KCNQ3: variants seen among roughly 807,000 people sequenced by gnomAD.
KCNQ3 encodes the protein potassium voltage-gated channel subfamily KQT member 3.
Under a neutral mutation model 92.5 loss-of-function variants are expected in KCNQ3, and 30 were observed. The ratio of observed to expected loss-of-function variants is 0.32; its 90% confidence interval spans 0.24 to 0.44. The LOEUF (loss-of-function observed/expected upper bound fraction) is 0.44. Among genes scored for constraint, KCNQ3 ranks in the 20% least tolerant of loss-of-function variants. The pLI is 1.00. For synonymous variants in KCNQ3, 450 were observed against 468.8 expected, an observed-to-expected ratio of 0.96 and a Z score of 0.52; for missense variants, 913 against 1,140.3, an observed-to-expected ratio of 0.80 and a Z score of 2.87.
intron 12 of KCNQ3, among the ~76,000 whole-genome samples, chr8:132,135,585 T>TAGTA (rs1368815083): frequency 6.6e-6 from 1 of 152,118 alleles, no homozygotes; most frequent in East Asian, 1.9e-4. Context: ...CACATTTGCT[T>TAGTA]AGTAAGTAGC....
At chr8:132,436,625 T>C (rs1821401320) in intron 1 of KCNQ3, among the ~76,000 whole-genome samples, 2 of 152,248 alleles carry the variant, frequency 1.3e-5, no homozygotes. Context: ...TGTTTCAATG[T>C]CCTTATATTT....
intron 1 of KCNQ3, among the ~76,000 whole-genome samples, chr8:132,189,729 G>A (rs1423970935): frequency 6.6e-6 from 1 of 151,872 alleles, no homozygotes; most frequent in Admixed American, 6.6e-5. Context: ...GAGAGGCTGA[G>A]GCAGGAGAAT....
chr8:132,232,177 G>C (rs1164792838), intron 1 of KCNQ3, among the ~76,000 whole-genome samples: 1 of 152,156 alleles, frequency 6.6e-6, no homozygotes, highest in Non-Finnish European at 1.5e-5. Flanking sequence ...TTATAGTCTT[G>C]GTTCTGCAAA....
intron 1 of KCNQ3, among the ~76,000 whole-genome samples, chr8:132,435,367 C>T (rs1483249801): frequency 6.6e-6 from 1 of 152,168 alleles, no homozygotes. Flanking sequence ...CCGTGCCAGC[C>T]GACCAGTTCA....
intron 1 of KCNQ3, among the ~76,000 whole-genome samples, chr8:132,365,991 A>G (rs748236215): frequency 1.4e-4 from 21 of 152,192 alleles, no homozygotes; most frequent in Non-Finnish European, 2.4e-4. Flanking sequence ...AAATGGCACC[A>G]CTGCACTCCA....
At chr8:132,349,581 A>G (rs1187485987) in intron 1 of KCNQ3, among the ~76,000 whole-genome samples, 1 of 152,240 alleles carries the variant, frequency 6.6e-6, no homozygotes, top group Non-Finnish European at 1.5e-5. Context: ...GGCTTGGGAT[A>G]TGCATACGCA....
intron 1 of KCNQ3, among the ~76,000 whole-genome samples, chr8:132,230,637 C>T (rs909849308): frequency 6.6e-6 from 1 of 152,166 alleles, no homozygotes; most frequent in Non-Finnish European, 1.5e-5. Context: ...ATCAACTAAG[C>T]AATGTAAAGA....
intron 1 of KCNQ3, among the ~76,000 whole-genome samples, chr8:132,361,933 A>C (rs915138181): frequency 6.6e-6 from 1 of 152,208 alleles, no homozygotes; most frequent in Non-Finnish European, 1.5e-5. Flanking sequence ...ATCTAGGGGA[A>C]GGAATAGTAT....
intron 1 of KCNQ3, among the ~76,000 whole-genome samples, chr8:132,401,617 G>A (rs535501277): frequency 4.4e-4 from 67 of 152,210 alleles, no homozygotes; most frequent in African/African-American, 1.4e-3. Context: ...CTCGTGATCC[G>A]CCTGCCTCGG....
chr8:132,445,711 T>C (rs892473643), intron 1 of KCNQ3, among the ~76,000 whole-genome samples: 3 of 117,466 alleles, frequency 2.6e-5, no homozygotes, highest in Non-Finnish European at 4.8e-5. Flanking sequence ...ATTAATATCA[T>C]TTACTGAGCT....
At chr8:132,264,492 T>C (rs1044583101) in intron 1 of KCNQ3, among the ~76,000 whole-genome samples, 2 of 152,188 alleles carry the variant, frequency 1.3e-5, no homozygotes, top group African/African-American at 2.4e-5. Context: ...GATGGGCCTA[T>C]TGGGAGAATC....
chr8:132,211,161 A>G (rs1813839917), intron 1 of KCNQ3, among the ~76,000 whole-genome samples: 2 of 152,220 alleles, frequency 1.3e-5, no homozygotes, highest in South Asian at 4.1e-4. Flanking sequence ...AATGCAAGTC[A>G]TGCATCATTT....
chr8:132,449,863 T>C (rs1821780674), intron 1 of KCNQ3, among the ~76,000 whole-genome samples: 1 of 151,976 alleles, frequency 6.6e-6, no homozygotes, highest in South Asian at 2.1e-4. Flanking sequence ...AACTGAGAAA[T>C]TAAGGTACAA....
At chr8:132,144,562 A>G (rs1404322035) in intron 9 of KCNQ3, among the ~76,000 whole-genome samples, 1 of 152,240 alleles carries the variant, frequency 6.6e-6, no homozygotes, top group Non-Finnish European at 1.5e-5. Context: ...CAACTTCCAA[A>G]TATGAGTTGT....
In KCNQ3 at chr8:132,390,391, C is replaced by T. The variant is rs144769776; in HGVS notation, c.386+89756G>A. Reference sequence around the variant, plus strand: ...AATGGTCTTGCTCCTGGTGGTGACACAGTTGTTCTCTTTACAGTAATTCAG... The same window carrying T: ...AATGGTCTTGCTCCTGGTGGTGACATAGTTGTTCTCTTTACAGTAATTCAG... On this transcript the variant is annotated intron_variant, in intron 1 of 14. Coordinates refer to ENST00000388996, the MANE Select transcript of KCNQ3 (RefSeq NM_004519.4). Among the ~76,000 whole-genome samples the T allele has an allele frequency of 3.1e-4, 47 of 152,266 alleles. 1 individual carries two copies. In the East Asian group the frequency reaches 8.7e-3, roughly 28 times the overall value.
At chr8:132,465,910 TA>T (rs1168530692) in intron 1 of KCNQ3, among the ~76,000 whole-genome samples, 1 of 151,770 alleles carries the variant, frequency 6.6e-6, no homozygotes, top group Admixed American at 6.6e-5. Context: ...AGACCCTGTC[TA>T]AAAAATAAAT....
intron 1 of KCNQ3, among the ~76,000 whole-genome samples, chr8:132,254,776 G>A (rs906269525): frequency 8.5e-5 from 13 of 152,154 alleles, no homozygotes; most frequent in Admixed American, 8.5e-4. Flanking sequence ...CTATTCAGGA[G>A]GCTGAGGCAG....
At chr8:132,357,923 C>T (rs1478480599) in intron 1 of KCNQ3, among the ~76,000 whole-genome samples, 1 of 152,216 alleles carries the variant, frequency 6.6e-6, no homozygotes, top group Admixed American at 6.5e-5. Flanking sequence ...GCGCAAAGAG[C>T]TCTGTCTGGA....
intron 1 of KCNQ3, among the ~76,000 whole-genome samples, chr8:132,256,192 A>C (rs1815581201): frequency 6.6e-6 from 1 of 152,190 alleles, no homozygotes; most frequent in Non-Finnish European, 1.5e-5. Context: ...TATGTAAAAA[A>C]TAAAATAAAA....
Sources: gnomAD v4.1 joint callset for allele counts (sites outside exome capture counted in the v4.1 genomes callset) on GRCh38, gnomAD v4.1.1 for gene constraint, MANE v1.5 for transcripts, NCBI Gene and HGNC (gene_info 2026-07-23, HGNC 2026-07-21) for gene names.